The following RABGAP1L variants were observed in gnomAD, a reference collection of about 807,000 sequenced individuals.
The protein encoded by RABGAP1L is RAB GTPase activating protein 1 like.
A neutral mutation model predicts 137.7 loss-of-function variants in RABGAP1L; 63 were observed. That is an observed-to-expected ratio of 0.46 (90% CI 0.37 to 0.56). The LOEUF is 0.56. Ranked by LOEUF, RABGAP1L falls within the 20% of genes least tolerant of loss-of-function variation. The probability of loss-of-function intolerance (pLI) is 0.00; values close to 1 mark genes in which losing one functional copy is unlikely to be tolerated. For missense variants in RABGAP1L, 1,095 were observed against 1,244.0 expected, an observed-to-expected ratio of 0.88 and a Z score of 1.80; for synonymous variants, 431 against 433.7, an observed-to-expected ratio of 0.99 and a Z score of 0.08.
intron 1 of RABGAP1L, among the ~76,000 whole-genome samples, chr1:174,198,197 A>G (rs1667839867): frequency 6.6e-6 from 1 of 152,198 alleles, no homozygotes; most frequent in Admixed American, 6.5e-5. Flanking sequence ...TTCTTGGTAA[A>G]TAATTGTTAC....
At chr1:174,314,275 A>C (rs1472719629) in intron 11 of RABGAP1L, among the ~76,000 whole-genome samples, 1 of 152,170 alleles carries the variant, frequency 6.6e-6, no homozygotes, top group Non-Finnish European at 1.5e-5. Flanking sequence ...CTATTCTTCT[A>C]GATTTTCCAA....
intron 13 of RABGAP1L, among the ~76,000 whole-genome samples, chr1:174,440,403 C>CT (rs1418785775): frequency 6.6e-6 from 1 of 152,118 alleles, no homozygotes; most frequent in Non-Finnish European, 1.5e-5. Context: ...CTACAGGTGT[C>CT]TAAGCACAAG....
chr1:174,267,939 C>T (rs1420122510), intron 7 of RABGAP1L, among the ~76,000 whole-genome samples: 1 of 152,152 alleles, frequency 6.6e-6, no homozygotes, highest in Non-Finnish European at 1.5e-5. Flanking sequence ...TTCCACACCA[C>T]TGTACATAGT....
intron 5 of RABGAP1L, among the ~76,000 whole-genome samples, chr1:174,249,777 G>A (rs1165363896): frequency 6.6e-6 from 1 of 151,896 alleles, no homozygotes. Flanking sequence ...CGAGTAGCTA[G>A]GATTACAGGT....
At chr1:174,181,144 T>G (rs1236306238) in intron 1 of RABGAP1L, among the ~76,000 whole-genome samples, 1 of 152,164 alleles carries the variant, frequency 6.6e-6, no homozygotes, top group African/African-American at 2.4e-5. Flanking sequence ...GTATATAGGT[T>G]ATATGCCAGT....
intron 19 of RABGAP1L, among the ~76,000 whole-genome samples, chr1:174,951,959 A>G (rs1464874328): frequency 6.6e-6 from 1 of 152,224 alleles, no homozygotes; most frequent in Non-Finnish European, 1.5e-5. Flanking sequence ...GCCAAAGATC[A>G]TGCCATATAT....
intron 19 of RABGAP1L, among the ~76,000 whole-genome samples, chr1:174,921,939 G>A (rs1445520410): frequency 6.6e-6 from 1 of 152,190 alleles, no homozygotes; most frequent in Non-Finnish European, 1.5e-5. Flanking sequence ...GGTATTTTGT[G>A]TACAGTTTCC....
chr1:174,956,684 A>G (rs1215893497), intron 19 of RABGAP1L, among the ~76,000 whole-genome samples: 3 of 139,644 alleles, frequency 2.1e-5, no homozygotes, highest in Admixed American at 7.5e-5. Context: ...GTCTCGCTCT[A>G]TCACCCAGGC....
intron 19 of RABGAP1L, among the ~76,000 whole-genome samples, chr1:174,840,517 A>G (rs2148944285): frequency 6.6e-6 from 1 of 152,074 alleles, no homozygotes; most frequent in South Asian, 2.1e-4. Flanking sequence ...GGGTATAAAG[A>G]AGAAAGCGGG....
At position 174,219,267 on chromosome 1, in the gene RABGAP1L, CA is replaced by C; in HGVS notation, c.114del (p.Lys38AsnfsTer8). ...LVPQYADDNS[T>X]KHEEKPQLKI... Reference sequence around the variant, plus strand: ...CCTCAGTATGCAGATGATAATTCTACAAAACATGAAGAAAAACCTCAACTGA... The same window carrying C: ...CCTCAGTATGCAGATGATAATTCTACAAACATGAAGAAAAACCTCAACTGA... On this transcript the variant is annotated frameshift_variant, in exon 2 of 26. Coordinates refer to ENST00000681986, the MANE Select transcript of RABGAP1L (RefSeq NM_001366446.1). LOFTEE classifies it high-confidence loss of function. The C allele has an allele frequency of 6.3e-7, 1 of 1,577,956 alleles. No homozygotes were observed. The highest frequency in any genetic ancestry group is 8.6e-7 in the Non-Finnish European group (1 of 1,161,666).
Position 174,454,771 on chromosome 1 carries a change from G to A in RABGAP1L, c.1710+60626G>A, listed in dbSNP as rs892921727. Among the ~76,000 whole-genome samples the A allele has an allele frequency of 5.3e-5, 8 of 151,700 alleles. No individual in the cohort carries two copies. In the East Asian group the frequency reaches 7.8e-4, roughly 15 times the overall value. ...CCACCTTGTTAGTCAGGATGGTCTC[G>A]ATCTCCTGACCTCCTCGTGTTCTAC... is the stretch of plus-strand genomic sequence containing the variant. On this transcript the variant is annotated intron_variant, in intron 13 of 25. Coordinates refer to ENST00000681986, the MANE Select transcript of RABGAP1L (RefSeq NM_001366446.1).
intron 13 of RABGAP1L, among the ~76,000 whole-genome samples, chr1:174,425,965 GT>G (rs1380140150): frequency 2.6e-5 from 4 of 152,010 alleles, no homozygotes; most frequent in Non-Finnish European, 5.9e-5. Context: ...TTATAAATAA[GT>G]TTCTTCTATT....
intron 19 of RABGAP1L, among the ~76,000 whole-genome samples, chr1:174,905,786 G>A (rs969220375): frequency 3.3e-5 from 5 of 152,122 alleles, no homozygotes; most frequent in African/African-American, 1.2e-4. Context: ...ACAAGGTGGA[G>A]GTTGTAGTGA....
chr1:174,868,865 C>T (rs1368601149), intron 19 of RABGAP1L, among the ~76,000 whole-genome samples: 1 of 152,034 alleles, frequency 6.6e-6, no homozygotes, highest in Non-Finnish European at 1.5e-5. Context: ...AACAGAAGGA[C>T]TCATGTAAAT....
intron 3 of RABGAP1L, among the ~76,000 whole-genome samples, chr1:174,223,163 G>C (rs1365403801): frequency 6.6e-6 from 1 of 150,738 alleles, no homozygotes; most frequent in African/African-American, 2.4e-5. Context: ...AGCTACTCAG[G>C]AGGCTGAGGC....
intron 18 of RABGAP1L, among the ~76,000 whole-genome samples, chr1:174,770,251 G>T (rs1411513849): frequency 6.6e-6 from 1 of 152,048 alleles, no homozygotes; most frequent in East Asian, 1.9e-4. Flanking sequence ...TTGATGATAG[G>T]TTAGTTTCAA....
At chr1:174,399,609 A>C (rs147267033) in intron 13 of RABGAP1L, among the ~76,000 whole-genome samples, 1 of 152,160 alleles carries the variant, frequency 6.6e-6, no homozygotes, top group Admixed American at 6.5e-5. Flanking sequence ...TCACACTGCT[A>C]TAAGGACCTA....
intron 10 of RABGAP1L, among the ~76,000 whole-genome samples, chr1:174,289,230 A>G (rs1310209383): frequency 6.6e-6 from 1 of 152,102 alleles, no homozygotes; most frequent in Non-Finnish European, 1.5e-5. Flanking sequence ...TTTTGTAGAG[A>G]CAGGGTCTTG....
intron 13 of RABGAP1L, among the ~76,000 whole-genome samples, chr1:174,593,208 A>C (rs1358537795): frequency 6.6e-5 from 5 of 75,778 alleles, no homozygotes; most frequent in East Asian, 6.2e-4. Flanking sequence ...TATCCCCTTT[A>C]TCATTTTTTA....
Sources: allele counts gnomAD v4.1 joint callset (sites outside exome capture counted in the v4.1 genomes callset), GRCh38; gene constraint gnomAD v4.1.1; transcripts MANE v1.5; gene names NCBI Gene and HGNC (gene_info 2026-07-23, HGNC 2026-07-21).